The following NFIA variants were observed in gnomAD, a reference collection of about 807,000 sequenced individuals.
NFIA encodes nuclear factor I A, also known as nuclear factor 1 A-type.
In NFIA, 8 loss-of-function variants were observed where a neutral mutation model predicts 62.8. The observed-to-expected ratio is 0.13, with a 90% CI of 0.07 to 0.23. The LOEUF (loss-of-function observed/expected upper bound fraction) is 0.23. Ranked by LOEUF, NFIA falls within the 10% of genes least tolerant of loss-of-function variation. NFIA has a pLI of 1.00. For missense variants in NFIA, 410 were observed against 642.1 expected, an observed-to-expected ratio of 0.64 and a Z score of 3.91; for synonymous variants, 235 against 238.1, an observed-to-expected ratio of 0.99 and a Z score of 0.12.
intron 2 of NFIA, among the ~76,000 whole-genome samples, chr1:61,139,186 A>G (rs1002528187): frequency 7.2e-5 from 11 of 152,272 alleles, no homozygotes; most frequent in South Asian, 2.1e-4. Flanking sequence ...AAACAAAACA[A>G]AAGAACAAAA....
chr1:61,260,549 T>C (rs1656698510), intron 2 of NFIA, among the ~76,000 whole-genome samples: 1 of 152,230 alleles, frequency 6.6e-6, no homozygotes, highest in South Asian at 2.1e-4. Context: ...TGGAATGATA[T>C]GCTGAGTAAA....
At chr1:61,254,962 C>G (rs370070885) in intron 2 of NFIA, among the ~76,000 whole-genome samples, 5 of 152,164 alleles carry the variant, frequency 3.3e-5, no homozygotes, top group African/African-American at 1.2e-4. Flanking sequence ...CAGCAGGTGA[C>G]CCTGACCATG....
At chr1:61,130,452 A>G (rs1256885108) in intron 2 of NFIA, among the ~76,000 whole-genome samples, 1 of 152,250 alleles carries the variant, frequency 6.6e-6, no homozygotes, top group East Asian at 1.9e-4. Flanking sequence ...AAGGGAAGAG[A>G]AAGTTAATGA....
At chr1:61,279,797 T>C (rs1199960720) in intron 3 of NFIA, among the ~76,000 whole-genome samples, 1 of 152,108 alleles carries the variant, frequency 6.6e-6, no homozygotes, top group Non-Finnish European at 1.5e-5. Flanking sequence ...CTGCCTGCAA[T>C]CCCAATATTG....
At chr1:61,318,032 A>G (rs1336483789) in intron 3 of NFIA, among the ~76,000 whole-genome samples, 1 of 152,102 alleles carries the variant, frequency 6.6e-6, no homozygotes, top group Non-Finnish European at 1.5e-5. Context: ...TGGAAATATG[A>G]TTTTTGAAAG....
chr1:61,333,047 G>GCACACACACACA lies in NFIA; in HGVS notation c.700+470_700+481dup, dbSNP rs71050120. Among the ~76,000 whole-genome samples the GCACACACACACA allele has an allele frequency of 9.2e-4, 133 of 144,786 alleles. 1 individual carries two copies. Among genetic ancestry groups the GCACACACACACA allele is most frequent in the South Asian group, 4.3e-3 (19 of 4,422 alleles). The allele number at this position is 144,786 out of a possible 152,430, so 95.0% of individuals were successfully genotyped here. A position where few individuals can be genotyped will look rare whatever the true frequency, so the allele number is the denominator to read the frequency against. The stretch of plus-strand genomic sequence containing the variant: ...TGTTATGACATAATCTAGCATGCAC[G>GCACACACACACA]CACACACACACACACACACATACAC... On this transcript the variant is annotated intron_variant, in intron 4 of 10. Transcript: ENST00000403491.
intron 3 of NFIA, among the ~76,000 whole-genome samples, chr1:61,299,847 C>G (rs1021856117): frequency 6.6e-6 from 1 of 152,110 alleles, no homozygotes; most frequent in East Asian, 1.9e-4. Flanking sequence ...AAGTAACAAA[C>G]AGGCCAATAC....
intron 3 of NFIA, among the ~76,000 whole-genome samples, chr1:61,298,238 G>A (rs560614436): frequency 3.2e-4 from 49 of 152,176 alleles, no homozygotes; most frequent in Middle Eastern, 3.4e-3. Context: ...GCTCACACAC[G>A]CTCTCTCTTG....
intron 2 of NFIA, among the ~76,000 whole-genome samples, chr1:61,117,831 C>T (rs1023821030): frequency 6.6e-6 from 1 of 152,060 alleles, no homozygotes; most frequent in Non-Finnish European, 1.5e-5. Flanking sequence ...TCTATAATCT[C>T]GTGATAAAAG....
chr1:61,311,353 T>C (rs1402633717), intron 3 of NFIA, among the ~76,000 whole-genome samples: 1 of 151,832 alleles, frequency 6.6e-6, no homozygotes, highest in African/African-American at 2.4e-5. Flanking sequence ...ATCGCGACAT[T>C]GCACTCCAGC....
At chr1:61,438,111 C>G (rs1667414470) in intron 10 of NFIA, among the ~76,000 whole-genome samples, 1 of 152,060 alleles carries the variant, frequency 6.6e-6, no homozygotes, top group South Asian at 2.1e-4. Flanking sequence ...CCTTCCTCTT[C>G]TGGGCAGCAT....
intron 6 of NFIA, among the ~76,000 whole-genome samples, chr1:61,363,497 G>A (rs962603630): frequency 1.3e-5 from 2 of 151,892 alleles, no homozygotes; most frequent in Non-Finnish European, 2.9e-5. Context: ...CCAGCTACTC[G>A]GGAGGCTGAG....
At chr1:61,290,118 G>A (rs1658781425) in intron 3 of NFIA, among the ~76,000 whole-genome samples, 1 of 149,420 alleles carries the variant, frequency 6.7e-6, no homozygotes, top group Non-Finnish European at 1.5e-5. Context: ...AGTATTATGA[G>A]TATATGGTAC....
At chr1:61,150,480 A>G (rs1476510773) in intron 2 of NFIA, among the ~76,000 whole-genome samples, 1 of 152,232 alleles carries the variant, frequency 6.6e-6, no homozygotes, top group Non-Finnish European at 1.5e-5. Context: ...CACCTGGCCA[A>G]AAGTCTCCCA....
intron 1 of NFIA, among the ~76,000 whole-genome samples, chr1:61,083,697 G>T (rs1426708907): frequency 1.3e-5 from 2 of 151,460 alleles, no homozygotes; most frequent in East Asian, 3.9e-4. Flanking sequence ...GGGTAGCGCC[G>T]GGCAGAGTTG....
At chr1:61,424,858 C>T (rs906539347) in intron 9 of NFIA, among the ~76,000 whole-genome samples, 16 of 152,000 alleles carry the variant, frequency 1.1e-4, no homozygotes, top group Admixed American at 4.6e-4. Context: ...ATTAAATTAC[C>T]CCCATACCAG....
At chr1:61,354,568 A>C (rs1289297351) in intron 5 of NFIA, among the ~76,000 whole-genome samples, 1 of 152,188 alleles carries the variant, frequency 6.6e-6, no homozygotes, top group Non-Finnish European at 1.5e-5. Flanking sequence ...CAGAGAAGTT[A>C]AGTAACTTGC....
intron 2 of NFIA, among the ~76,000 whole-genome samples, chr1:61,269,531 G>A (rs1199874695): frequency 6.6e-6 from 1 of 152,114 alleles, no homozygotes; most frequent in Non-Finnish European, 1.5e-5. Flanking sequence ...AGTTTCTAAG[G>A]TTTTGTGGGT....
chr1:61,257,463 G>A (rs1445935300), intron 2 of NFIA, among the ~76,000 whole-genome samples: 6 of 148,066 alleles, frequency 4.1e-5, no homozygotes, highest in African/African-American at 7.4e-5. Context: ...TCAGGCTCCC[G>A]AGTAGCTGGG....
Sources: gnomAD v4.1 joint callset for allele counts (sites outside exome capture counted in the v4.1 genomes callset) on GRCh38, gnomAD v4.1.1 for gene constraint, MANE v1.5 for transcripts, NCBI Gene and HGNC (gene_info 2026-07-23, HGNC 2026-07-21) for gene names.